Variants in FAT3 observed in about 807,000 individuals in gnomAD.
FAT3 encodes FAT atypical cadherin 3.
In FAT3, 95 loss-of-function variants were observed where a neutral mutation model predicts 310.2. The ratio of observed to expected loss-of-function variants is 0.31; its 90% CI spans 0.26 to 0.36. The LOEUF (loss-of-function observed/expected upper bound fraction) is 0.36, where lower values mean the gene tolerates loss of function less well. Among genes scored for constraint, FAT3 ranks in the 10% least tolerant of loss-of-function variants. FAT3 has a pLI of 1.00. For missense variants in FAT3, 5,408 were observed against 5,715.6 expected (o/e 0.95, Z 1.74); for synonymous variants, 2,314 against 2,192.9 (o/e 1.06, Z -1.54).
chr11:92,642,047 A>T (rs1415873295), intron 3 of FAT3, among the ~76,000 whole-genome samples: 1 of 152,220 alleles, frequency 6.6e-6, no homozygotes, highest in Non-Finnish European at 1.5e-5. Flanking sequence ...CCACATGTCC[A>T]TTCTTCCAAA....
At chr11:92,655,961 C>T (rs998129623) in intron 3 of FAT3, among the ~76,000 whole-genome samples, 2 of 152,204 alleles carry the variant, frequency 1.3e-5, no homozygotes, top group Non-Finnish European at 2.9e-5. Flanking sequence ...ACTTAAGCTA[C>T]TGGATGCATT....
intron 3 of FAT3, among the ~76,000 whole-genome samples, chr11:92,636,631 A>G (rs1480434726): frequency 6.6e-6 from 1 of 152,260 alleles, no homozygotes; most frequent in Non-Finnish European, 1.5e-5. Context: ...AAGTAAAGTC[A>G]GCAAGATTCA....
intron 2 of FAT3, among the ~76,000 whole-genome samples, chr11:92,361,280 G>A (rs748501554): frequency 1.2e-4 from 19 of 152,104 alleles, no homozygotes; most frequent in Non-Finnish European, 2.5e-4. Flanking sequence ...ACTTTCCATT[G>A]GCCAAAGCAG....
chr11:92,684,398 G>A (rs1280388980), intron 3 of FAT3, among the ~76,000 whole-genome samples: 2 of 152,182 alleles, frequency 1.3e-5, no homozygotes, highest in African/African-American at 4.8e-5. Flanking sequence ...CCCTGGACAT[G>A]AGTGCCCAGC....
intron 2 of FAT3, among the ~76,000 whole-genome samples, chr11:92,458,906 C>T (rs1283796272): frequency 6.6e-6 from 1 of 152,198 alleles, no homozygotes; most frequent in Admixed American, 6.5e-5. Flanking sequence ...CAGCATTGTA[C>T]ATGCCTTCCA....
chr11:92,885,377 G>T (rs537405036), intron 24 of FAT3, among the ~76,000 whole-genome samples: 4 of 152,304 alleles, frequency 2.6e-5, no homozygotes, highest in African/African-American at 9.6e-5. Flanking sequence ...AAAAGGAGAA[G>T]TTAGGATTAA....
At chr11:92,292,564 C>T (rs775478575) in intron 1 of FAT3, among the ~76,000 whole-genome samples, 7 of 152,090 alleles carry the variant, frequency 4.6e-5, no homozygotes, top group South Asian at 2.1e-4. Flanking sequence ...TAAGCAAATC[C>T]GGTTTATGTC....
intron 3 of FAT3, among the ~76,000 whole-genome samples, chr11:92,674,166 G>A (rs1943214769): frequency 6.8e-6 from 1 of 148,132 alleles, no homozygotes; most frequent in South Asian, 2.1e-4. Context: ...GGTTGACAGA[G>A]TGAGACTCCA....
chr11:92,306,434 C>T (rs972753299), intron 1 of FAT3, among the ~76,000 whole-genome samples: 11 of 142,776 alleles, frequency 7.7e-5, no homozygotes, highest in African/African-American at 2.3e-4. Context: ...ACCCTTCCCC[C>T]CATGAGCTTT....
At chr11:92,321,038 T>C (rs1451813858) in intron 1 of FAT3, among the ~76,000 whole-genome samples, 1 of 152,194 alleles carries the variant, frequency 6.6e-6, no homozygotes, top group Non-Finnish European at 1.5e-5. Context: ...AAAACTCAAA[T>C]TCCTAGAGAT....
chr11:92,335,951 C>G (rs1245055301), intron 1 of FAT3: 1 of 370,408 alleles, frequency 2.7e-6, no homozygotes, highest in Admixed American at 3.6e-5. Context: ...TTTTTTCAGA[C>G]TTTCAGCCCC....
At chr11:92,476,874 A>G (rs916092068) in intron 2 of FAT3, among the ~76,000 whole-genome samples, 39 of 152,224 alleles carry the variant, frequency 2.6e-4, no homozygotes, top group African/African-American at 9.2e-4. Context: ...CATATCAGGT[A>G]TATTTCCTGT....
intron 3 of FAT3, among the ~76,000 whole-genome samples, chr11:92,525,270 G>A (rs1953819513): frequency 6.6e-6 from 1 of 152,030 alleles, no homozygotes; most frequent in African/African-American, 2.4e-5. Flanking sequence ...GAGTAACCTG[G>A]CCTCTGCTGG....
chr11:92,875,050 A>G (rs1483636473), intron 22 of FAT3, among the ~76,000 whole-genome samples: 3 of 152,000 alleles, frequency 2.0e-5, no homozygotes, highest in Non-Finnish European at 4.4e-5. Flanking sequence ...AAGTATTAAT[A>G]ATAGGGCTAA....
intron 1 of FAT3, among the ~76,000 whole-genome samples, chr11:92,324,551 G>T (rs932660072): frequency 6.6e-6 from 1 of 152,142 alleles, no homozygotes; most frequent in Non-Finnish European, 1.5e-5. Context: ...GGTGTGGTTC[G>T]TGGGACCCCA....
intron 13 of FAT3, among the ~76,000 whole-genome samples, chr11:92,831,096 C>T (rs1394785906): frequency 6.6e-6 from 1 of 152,134 alleles, no homozygotes; most frequent in East Asian, 1.9e-4. Context: ...TACATCACAT[C>T]TCATGACTCC....
chr11:92,758,110 G>A (rs1436770945), intron 4 of FAT3, among the ~76,000 whole-genome samples: 1 of 152,122 alleles, frequency 6.6e-6, no homozygotes, highest in Admixed American at 6.5e-5. Flanking sequence ...TATTATCATA[G>A]GGAAGAGTTG....
At chr11:92,436,676 G>A (rs1950946982) in intron 2 of FAT3, among the ~76,000 whole-genome samples, 2 of 152,112 alleles carry the variant, frequency 1.3e-5, no homozygotes, top group Non-Finnish European at 2.9e-5. Flanking sequence ...AGATCCTAAA[G>A]CAAGGTCTCA....
chr11:92,700,135 T>G (rs1042629290), intron 4 of FAT3, among the ~76,000 whole-genome samples: 1 of 152,210 alleles, frequency 6.6e-6, no homozygotes, highest in African/African-American at 2.4e-5. Context: ...TCCATGATAG[T>G]GCCTGAAAGC....
Sources: allele counts gnomAD v4.1 joint callset (sites outside exome capture counted in the v4.1 genomes callset), GRCh38; gene constraint gnomAD v4.1.1; transcripts MANE v1.5; gene names NCBI Gene and HGNC (gene_info 2026-07-23, HGNC 2026-07-21).